Variants in KBTBD11 observed in about 807,000 individuals in gnomAD.
The protein encoded by KBTBD11 is kelch repeat and BTB domain containing 11.
For missense variants in KBTBD11, 1,390 were observed against 1,001.8 expected (o/e 1.39, Z -5.23); for synonymous variants, 747 against 499.0 (o/e 1.50, Z -6.63).
chr8:1,974,586 G>T, intron 1 of KBTBD11: 1 of 985,116 alleles, frequency 1.0e-6, no homozygotes. Context: ...ACCCCCGCGA[G>T]CCCCGAGCAC....
At chr8:1,983,134 T>C (rs1280273657) in intron 1 of KBTBD11, among the ~76,000 whole-genome samples, 2 of 152,164 alleles carry the variant, frequency 1.3e-5, no homozygotes, top group Non-Finnish European at 2.9e-5. Context: ...CTAGAGGCCA[T>C]GAGTTGGATG....
At chr8:1,974,694 G>C in intron 1 of KBTBD11, 4 of 985,464 alleles carry the variant, frequency 4.1e-6, no homozygotes, top group Non-Finnish European at 4.8e-6. Context: ...CGGGCGGTCT[G>C]GGCGGGATTC....
intron 1 of KBTBD11, among the ~76,000 whole-genome samples, chr8:1,995,241 AT>A (rs1219046117): frequency 6.6e-6 from 1 of 151,940 alleles, no homozygotes; most frequent in Non-Finnish European, 1.5e-5. Context: ...ATTGCTTACA[AT>A]TGGCTTTAGT....
intron 1 of KBTBD11, among the ~76,000 whole-genome samples, chr8:1,987,165 G>A (rs968620820): frequency 2.6e-5 from 4 of 152,164 alleles, no homozygotes; most frequent in African/African-American, 9.7e-5. Flanking sequence ...ATCCATGCCT[G>A]TCCTTCCTCT....
At chr8:1,974,386 G>A (rs1816248382) in intron 1 of KBTBD11, 2 of 984,516 alleles carry the variant, frequency 2.0e-6, no homozygotes, top group South Asian at 4.7e-5. Flanking sequence ...AGGAGCAGAA[G>A]CCGAAGCCAA....
intron 1 of KBTBD11, among the ~76,000 whole-genome samples, chr8:1,981,783 T>G (rs1241107709): frequency 2.0e-5 from 3 of 152,240 alleles, no homozygotes; most frequent in Non-Finnish European, 4.4e-5. Context: ...CTTTGGACTC[T>G]GGGACTTGCA....
intron 1 of KBTBD11, among the ~76,000 whole-genome samples, chr8:1,986,470 C>A (rs368629731): frequency 6.6e-6 from 1 of 152,180 alleles, no homozygotes; most frequent in Non-Finnish European, 1.5e-5. Context: ...CCAACTCTGC[C>A]ATAACTTGTT....
intron 1 of KBTBD11, among the ~76,000 whole-genome samples, chr8:1,989,738 C>T (rs1390264714): frequency 1.3e-5 from 2 of 152,134 alleles, no homozygotes; most frequent in Middle Eastern, 3.2e-3. Context: ...TGCCCCCTCA[C>T]CTCCCTTGCG....
chr8:1,978,157 G>A (rs760598924), intron 1 of KBTBD11, among the ~76,000 whole-genome samples: 1 of 152,154 alleles, frequency 6.6e-6, no homozygotes, highest in African/African-American at 2.4e-5. Context: ...TCCCTCCGCC[G>A]CCCTCTACAG....
At chr8:1,974,597 C>G in intron 1 of KBTBD11, 1 of 985,214 alleles carries the variant, frequency 1.0e-6, no homozygotes, top group Non-Finnish European at 1.2e-6. Flanking sequence ...CCCCGAGCAC[C>G]GCGACCCACC....
chr8:1,999,638 C>T (rs2129315668), intron 1 of KBTBD11, among the ~76,000 whole-genome samples: 1 of 152,326 alleles, frequency 6.6e-6, no homozygotes, highest in East Asian at 1.9e-4. Context: ...TGCATTTAGG[C>T]TGTTTGGATA....
chr8:1,986,161 G>T (rs1422457623), intron 1 of KBTBD11, among the ~76,000 whole-genome samples: 1 of 152,196 alleles, frequency 6.6e-6, no homozygotes, highest in Non-Finnish European at 1.5e-5. Context: ...TGGCCACGTT[G>T]TGCTTGCCTT....
At position 1,992,033 on chromosome 8, in the gene KBTBD11, C is replaced by T. The variant is rs1466194273; in HGVS notation, c.-908-8252C>T. ...TACCCAAGGGCCTTTAGTTGAGGAA[C>T]GTCTAACTTTCAAACCCACCCTCCC... On this transcript the variant is annotated intron_variant, in intron 1 of 1. Transcript: ENST00000320248. Among the ~76,000 whole-genome samples the T allele has an allele frequency of 4.6e-5, 7 of 152,092 alleles. No homozygotes were observed. The East Asian group carries it at 1.3e-3, about 29-fold the overall frequency.
Position 2,001,759 on chromosome 8 carries a change from C to G in KBTBD11, c.567C>G (p.Ala189=), listed in dbSNP as rs1029489192. The G allele has an allele frequency of 6.1e-6, 8 of 1,312,472 alleles. No individual in the cohort carries two copies. Among genetic ancestry groups the G allele is most frequent in the Admixed American group, 3.8e-5 (1 of 26,552 alleles). 81.3% of individuals were successfully genotyped at this position (1,312,472 alleles called of 1,614,324 possible). ...VSLTALRLLL[A]DAYSGRMAGV... Reference sequence around the variant, plus strand: ...TGACGGCGCTGCGGCTGCTCCTCGCCGACGCCTACAGCGGGCGCATGGCGG... The same window carrying G: ...TGACGGCGCTGCGGCTGCTCCTCGCGGACGCCTACAGCGGGCGCATGGCGG... Residue 189 remains alanine (A), a synonymous_variant, in exon 2 of 2, where the codon GCC becomes GCG. Coordinates refer to ENST00000320248, the MANE Select transcript of KBTBD11 (RefSeq NM_014867.3).
At chr8:1,979,856 C>A (rs1427792874) in intron 1 of KBTBD11, among the ~76,000 whole-genome samples, 2 of 152,366 alleles carry the variant, frequency 1.3e-5, no homozygotes, top group African/African-American at 4.8e-5. Flanking sequence ...GGCTTCCACA[C>A]TCCTGGCTGC....
At chr8:1,985,128 G>A (rs572770818) in intron 1 of KBTBD11, among the ~76,000 whole-genome samples, 6 of 152,336 alleles carry the variant, frequency 3.9e-5, no homozygotes, top group Middle Eastern at 3.4e-3. Context: ...CAGTCAGAGT[G>A]GGAGGTGGCT....
rs1817492689 is a variant in KBTBD11 at position 2,003,923 on chromosome 8, A to G, written c.*859A>G. 1 of 166,906 alleles carries G rather than the reference A, an allele frequency of 6.0e-6. No homozygotes were observed. The highest frequency in any genetic ancestry group is 2.4e-5 in the African/African-American group (1 of 41,460). The allele number at this position is 166,906 out of a possible 1,614,324, so 10.3% of individuals were successfully genotyped here. A position where few individuals can be genotyped will look rare whatever the true frequency, so the allele number is the denominator to read the frequency against. On this transcript the variant is annotated 3_prime_UTR_variant, in exon 2 of 2. Coordinates refer to ENST00000320248, the MANE Select transcript of KBTBD11 (RefSeq NM_014867.3). The stretch of plus-strand genomic sequence containing the variant: ...AGCAATCTTTGATAGTCCACTCTGT[A>G]TGCCCAGCCGCTTTCATAATCTGGA...
chr8:1,975,990 G>C, intron 1 of KBTBD11: 1 of 152,152 alleles, frequency 6.6e-6, no homozygotes, highest in Non-Finnish European at 1.5e-5. Context: ...GCCTCCATCT[G>C]GGCACATGTT....
rs1156283871 is a variant in KBTBD11 at position 2,002,303 on chromosome 8, G to C, written c.1111G>C (p.Gly371Arg). The change falls in exon 2 of 2, where the codon GGC becomes CGC. Residue 371 changes from glycine to arginine, a missense_variant. By Grantham distance (125) the Gly-to-Arg change is moderately radical. Transcript: ENST00000320248. This position sits in a 1 kb window ranked among gnomAD's most constrained non-coding sequence, Gnocchi z 4.1. ...LFVAGGVAPAGPDGRARPSDQ... is the reference protein window; with the variant it reads ...LFVAGGVAPARPDGRARPSDQ... ...CGTGGCGGGCGGCGTGGCGCCCGCG[G>C]GCCCCGACGGCCGCGCGCGCCCGTC... 63 of 1,349,800 alleles carry C rather than the reference G, an allele frequency of 4.7e-5. No individual in the cohort carries two copies. The highest frequency in any genetic ancestry group is 8.2e-5 in the Admixed American group (2 of 24,290). 83.6% of individuals were successfully genotyped at this position (1,349,800 alleles called of 1,614,324 possible). A position where few individuals can be genotyped will look rare whatever the true frequency, so the allele number is the denominator to read the frequency against.
Sources: gnomAD v4.1 joint callset for allele counts (sites outside exome capture counted in the v4.1 genomes callset) on GRCh38, gnomAD v4.1.1 for gene constraint, Gnocchi (gnomAD v3.1) non-coding constraint, MANE v1.5 for transcripts, NCBI Gene and HGNC (gene_info 2026-07-23, HGNC 2026-07-21) for gene names.